The following STIM1 variants were observed in gnomAD, a reference collection of about 807,000 sequenced individuals.
STIM1 encodes stromal interaction molecule 1.
A neutral mutation model predicts 74.7 loss-of-function variants in STIM1; 25 were observed. The observed-to-expected ratio is 0.33, with a 90% CI of 0.24 to 0.47. The LOEUF (loss-of-function observed/expected upper bound fraction) is 0.47, where lower values mean the gene tolerates loss of function less well. Ranked by LOEUF, STIM1 falls within the 20% of genes least tolerant of loss-of-function variation. STIM1 has a pLI of 1.00. For synonymous variants in STIM1, 328 were observed against 348.8 expected, an observed-to-expected ratio of 0.94 and a Z score of 0.66; for missense variants, 728 against 920.8, an observed-to-expected ratio of 0.79 and a Z score of 2.71.
At chr11:4,085,272 A>G (rs1283971190) in intron 11 of STIM1, among the ~76,000 whole-genome samples, 1 of 152,082 alleles carries the variant, frequency 6.6e-6, no homozygotes, top group Non-Finnish European at 1.5e-5. Flanking sequence ...TGGTCCTTCC[A>G]AGGCTTCGCT....
At chr11:4,086,871 G>C (rs769211552) in intron 12 of STIM1, 4 of 1,527,108 alleles carry the variant, frequency 2.6e-6, no homozygotes, top group African/African-American at 2.7e-5. Context: ...GGTATCAGCT[G>C]TCTCTCTTTT....
chr11:3,898,459 G>C, intron 1 of STIM1, among the ~76,000 whole-genome samples: 1 of 137,752 alleles, frequency 7.3e-6, no homozygotes, highest in East Asian at 2.1e-4. Context: ...CTCCCATTTT[G>C]TCAGTTGCCT....
intron 2 of STIM1, among the ~76,000 whole-genome samples, chr11:4,006,717 G>C (rs183806781): frequency 7.9e-5 from 12 of 152,228 alleles, no homozygotes; most frequent in Non-Finnish European, 1.8e-4. Flanking sequence ...CCCAGCCACA[G>C]GTATTTCTTT....
chr11:4,010,896 G>A lies in STIM1; in HGVS notation c.271-12977G>A, dbSNP rs980616819. ...CCCCCAGCCCCCAACAGGCCCTGGT[G>A]TATGATATTCCCCTCCCTCTGTCTG... On this transcript the variant is annotated intron_variant, in intron 2 of 12. Coordinates refer to ENST00000526596, the MANE Select transcript of STIM1 (RefSeq NM_001382567.1). Among the ~76,000 whole-genome samples the A allele has an allele frequency of 4.6e-5, 7 of 151,984 alleles. 1 individual carries two copies. Among genetic ancestry groups the A allele is most frequent in the African/African-American group, 9.7e-5 (4 of 41,370 alleles).
rs1227529058 is a variant in STIM1 at position 3,912,693 on chromosome 11, T to TA, written c.140-54851dup. Among the ~76,000 whole-genome samples, 8 of 152,118 alleles carry TA rather than the reference T, an allele frequency of 5.3e-5. No homozygotes were observed. In the South Asian group the frequency reaches 6.2e-4, roughly 12 times the overall value. Reference sequence around the variant, plus strand: ...ATCATTTGTTTAATAAGACAAAATATAAAAAAAACTGAGGTAATATGAAAG... The same window carrying TA: ...ATCATTTGTTTAATAAGACAAAATATAAAAAAAAACTGAGGTAATATGAAAG... On this transcript the variant is annotated intron_variant, in intron 1 of 12. Coordinates refer to ENST00000526596, the MANE Select transcript of STIM1 (RefSeq NM_001382567.1).
intron 2 of STIM1, among the ~76,000 whole-genome samples, chr11:4,005,775 A>T (rs890613845): frequency 6.6e-6 from 1 of 152,186 alleles, no homozygotes; most frequent in Non-Finnish European, 1.5e-5. Context: ...TGGTAGATAG[A>T]CTGACAGAAA....
chr11:3,893,531 A>G (rs2091959798), intron 1 of STIM1, among the ~76,000 whole-genome samples: 1 of 152,232 alleles, frequency 6.6e-6, no homozygotes, highest in Non-Finnish European at 1.5e-5. Context: ...CAAAATAACC[A>G]ACTGGTAGCA....
intron 5 of STIM1, among the ~76,000 whole-genome samples, chr11:4,063,808 G>C (rs900132883): frequency 1.3e-5 from 2 of 152,120 alleles, no homozygotes; most frequent in Non-Finnish European, 1.5e-5. Flanking sequence ...ACTTTTCTCA[G>C]GTGTGTTTTA....
chr11:4,035,529 CTT>C (rs533798079), intron 3 of STIM1, among the ~76,000 whole-genome samples: 1 of 147,172 alleles, frequency 6.8e-6, no homozygotes. Context: ...AAATGTTGTG[CTT>C]TTTTTTTTGA....
intron 3 of STIM1, among the ~76,000 whole-genome samples, chr11:4,024,440 C>T (rs889653816): frequency 2.6e-5 from 4 of 152,200 alleles, no homozygotes; most frequent in African/African-American, 9.7e-5. Flanking sequence ...TGATTGAAAG[C>T]TTTTCTATAC....
intron 2 of STIM1, among the ~76,000 whole-genome samples, chr11:3,998,041 T>A (rs935930915): frequency 6.6e-6 from 1 of 152,304 alleles, no homozygotes. Context: ...ATCACTGTAA[T>A]AGTGGGCCCT....
intron 12 of STIM1, chr11:4,089,020 C>T: frequency 2.9e-6 from 1 of 347,858 alleles, no homozygotes; most frequent in Non-Finnish European, 5.6e-6. Context: ...CTGCTTAAGC[C>T]CAGGAGTTTG....
In STIM1 at chr11:4,013,690, C is replaced by CTTTTTTTTTTTTTTTT. The variant is rs1169600270; in HGVS notation, c.271-10166_271-10151dup. ...AACCAGCTCCTGGATTCATTGATTTCTTTTTTTTTTTTTTTTTTTTTTTTT... is the reference window on the plus strand; with the variant it reads ...AACCAGCTCCTGGATTCATTGATTTCTTTTTTTTTTTTTTTTTTTTTTTTTTTTTTTTTTTTTTTTT... On this transcript the variant is annotated intron_variant, in intron 2 of 12. Coordinates refer to ENST00000526596, the MANE Select transcript of STIM1 (RefSeq NM_001382567.1). 3.7e-4 allele frequency among the ~76,000 whole-genome samples: 19 copies of CTTTTTTTTTTTTTTTT among 51,912 alleles called. 2 individuals are homozygous for CTTTTTTTTTTTTTTTT. Among genetic ancestry groups the CTTTTTTTTTTTTTTTT allele is most frequent in the East Asian group, 5.7e-4 (1 of 1,750 alleles). The allele number at this position is 51,912 out of a possible 152,430, so 34.1% of individuals were successfully genotyped here.
At chr11:4,034,433 G>T (rs1403020220) in intron 3 of STIM1, among the ~76,000 whole-genome samples, 6 of 152,050 alleles carry the variant, frequency 3.9e-5, no homozygotes, top group African/African-American at 1.4e-4. Flanking sequence ...AAATTACAGT[G>T]ACTGAGTTTT....
intron 7 of STIM1, among the ~76,000 whole-genome samples, chr11:4,076,485 C>CAAAAAAAAAAAAAAAAA (rs58804386): frequency 2.5e-5 from 1 of 40,756 alleles, no homozygotes; most frequent in Admixed American, 4.4e-4. Context: ...GACTCCATCT[C>CAAAAAAAAAAAAAAAAA]AAAAAAAAAA....
At chr11:3,892,621 G>A in intron 1 of STIM1, 2 of 1,604,766 alleles carry the variant, frequency 1.2e-6, no homozygotes, top group Non-Finnish European at 1.7e-6. Context: ...TATGCTTTAG[G>A]ATGAAGTTCT....
intron 12 of STIM1, among the ~76,000 whole-genome samples, chr11:4,089,259 T>C (rs1409348676): frequency 6.6e-6 from 1 of 152,116 alleles, no homozygotes; most frequent in Non-Finnish European, 1.5e-5. Flanking sequence ...GGAATCAAGA[T>C]GAAATAGGGG....
chr11:3,882,229 A>C (rs2091540801), intron 1 of STIM1, among the ~76,000 whole-genome samples: 2 of 149,708 alleles, frequency 1.3e-5, no homozygotes, highest in African/African-American at 4.9e-5. Context: ...CCTCCCGAGT[A>C]GCTGGGATTA....
chr11:4,091,840 G>C lies in STIM1; in HGVS notation c.*42G>C. The C allele has an allele frequency of 6.3e-7, 1 of 1,598,720 alleles. No homozygotes were observed. The highest frequency in any genetic ancestry group is 1.1e-5 in the South Asian group (1 of 90,864). ...GTAAAGGGACAGCTTGTCCTTCCCT[G>C]GGTGTTCTGTCTCTCCTTCCCTCCC... On this transcript the variant is annotated 3_prime_UTR_variant, in exon 13 of 13. Coordinates refer to ENST00000526596, the MANE Select transcript of STIM1 (RefSeq NM_001382567.1).
Sources: gnomAD v4.1 joint callset for allele counts (sites outside exome capture counted in the v4.1 genomes callset) on GRCh38, gnomAD v4.1.1 for gene constraint, MANE v1.5 for transcripts, NCBI Gene and HGNC (gene_info 2026-07-23, HGNC 2026-07-21) for gene names.